Variants in PDE1C observed in about 807,000 individuals in gnomAD.
PDE1C encodes phosphodiesterase 1C.
Under a neutral mutation model 93.1 loss-of-function variants are expected in PDE1C, and 62 were observed. The ratio of observed to expected loss-of-function variants is 0.67; its 90% confidence interval spans 0.54 to 0.82. PDE1C has a LOEUF of 0.82. PDE1C is among the 40% of genes least tolerant of loss of function. The pLI is 0.00. For synonymous variants in PDE1C, 325 were observed against 310.1 expected, an observed-to-expected ratio of 1.05 and a Z score of -0.50; for missense variants, 742 against 884.6, an observed-to-expected ratio of 0.84 and a Z score of 2.04.
At chr7:31,761,098 T>TAAGAATTTAAC (rs1562751780) in intron 17 of PDE1C, among the ~76,000 whole-genome samples, 1 of 151,520 alleles carries the variant, frequency 6.6e-6, no homozygotes, top group Non-Finnish European at 1.5e-5. Context: ...TGGGCATGTA[T>TAAGAATTTAAC]TTTGGCTAAA....
intron 2 of PDE1C, among the ~76,000 whole-genome samples, chr7:31,964,008 C>G (rs1277657549): frequency 6.6e-6 from 1 of 152,204 alleles, no homozygotes; most frequent in African/African-American, 2.4e-5. Flanking sequence ...CAGCTGGGAG[C>G]TATCTACAGC....
chr7:31,721,570 T>A, the PDE1C span, among the ~76,000 whole-genome samples: 1 of 152,248 alleles, frequency 6.6e-6, no homozygotes, highest in Non-Finnish European at 1.5e-5. Context: ...GCAGTCAGTC[T>A]GAGTATATAG....
intron 2 of PDE1C, among the ~76,000 whole-genome samples, chr7:31,992,437 C>T (rs1321344090): frequency 6.6e-6 from 1 of 152,200 alleles, no homozygotes; most frequent in Non-Finnish European, 1.5e-5. Flanking sequence ...ACATATGAGA[C>T]ACTCCTGGGA....
At chr7:32,164,064 T>C (rs1802074870) in intron 3 of PDE1C, among the ~76,000 whole-genome samples, 1 of 152,208 alleles carries the variant, frequency 6.6e-6, no homozygotes, top group Admixed American at 6.5e-5. Flanking sequence ...TTCATACTTG[T>C]GGGATTCCAA....
intron 1 of PDE1C, among the ~76,000 whole-genome samples, chr7:32,416,135 G>A (rs1785272649): frequency 6.6e-6 from 1 of 152,204 alleles, no homozygotes; most frequent in African/African-American, 2.4e-5. Context: ...ATGAGCTCAT[G>A]GATTTACAAG....
At chr7:32,022,483 G>A (rs913334767) in intron 2 of PDE1C, among the ~76,000 whole-genome samples, 5 of 152,006 alleles carry the variant, frequency 3.3e-5, no homozygotes, top group African/African-American at 1.2e-4. Context: ...AGTGTCCCAA[G>A]GAGAAGTCAT....
At chr7:31,984,338 G>A (rs563024980) in intron 2 of PDE1C, among the ~76,000 whole-genome samples, 10 of 152,206 alleles carry the variant, frequency 6.6e-5, no homozygotes, top group African/African-American at 2.4e-4. Flanking sequence ...GATGATCTGA[G>A]GTAGGACAGT....
At chr7:31,697,515 A>G in the PDE1C span, among the ~76,000 whole-genome samples, 1 of 152,200 alleles carries the variant, frequency 6.6e-6, no homozygotes, top group African/African-American at 2.4e-5. Context: ...AGAGACAGAA[A>G]AAGAGATGCA....
chr7:31,659,037 A>G, the PDE1C span, among the ~76,000 whole-genome samples: 1 of 152,150 alleles, frequency 6.6e-6, no homozygotes, highest in African/African-American at 2.4e-5. Context: ...CCAGAGTCAC[A>G]AGGTATCTAC....
intron 2 of PDE1C, among the ~76,000 whole-genome samples, chr7:31,920,788 C>A (rs113773496): frequency 6.6e-6 from 1 of 152,144 alleles, no homozygotes; most frequent in Non-Finnish European, 1.5e-5. Flanking sequence ...AACAGCATGG[C>A]CTCTCCAGAA....
chr7:31,778,002 C>T (rs1336484407), intron 16 of PDE1C, among the ~76,000 whole-genome samples: 1 of 152,158 alleles, frequency 6.6e-6, no homozygotes, highest in African/African-American at 2.4e-5. Flanking sequence ...GACTTCCAAG[C>T]TCCTTGATTG....
chr7:31,805,970 G>T (rs1786771572), intron 16 of PDE1C, among the ~76,000 whole-genome samples: 1 of 151,842 alleles, frequency 6.6e-6, no homozygotes, highest in Non-Finnish European at 1.5e-5. Context: ...TGGGGTTTTG[G>T]GTTGTTTCAG....
intron 2 of PDE1C, among the ~76,000 whole-genome samples, chr7:32,003,134 C>T (rs1011028602): frequency 7.9e-5 from 12 of 152,200 alleles, no homozygotes; most frequent in Admixed American, 2.0e-4. Context: ...GCCCAGCCTA[C>T]GACAGAGCTA....
intron 1 of PDE1C, among the ~76,000 whole-genome samples, chr7:32,255,483 T>C (rs2108856): frequency 0.98 from 149,458 of 152,330 alleles, 73,393 homozygotes; most frequent in Middle Eastern, 1. Context: ...TAGTTTTACA[T>C]TGGGCACTGG....
At chr7:31,759,263 G>T (rs1231857633) in intron 17 of PDE1C, among the ~76,000 whole-genome samples, 1 of 152,178 alleles carries the variant, frequency 6.6e-6, no homozygotes, top group Non-Finnish European at 1.5e-5. Flanking sequence ...ATTTAATGTG[G>T]ACCATTCTTC....
At chr7:31,710,012 T>C in the PDE1C span, among the ~76,000 whole-genome samples, 1 of 151,950 alleles carries the variant, frequency 6.6e-6, no homozygotes, top group Non-Finnish European at 1.5e-5. Context: ...AAGCTGGACA[T>C]GGTGGTGTGC....
intron 3 of PDE1C, among the ~76,000 whole-genome samples, chr7:32,088,781 G>C (rs73098696): frequency 6.6e-6 from 1 of 152,026 alleles, no homozygotes; most frequent in African/African-American, 2.4e-5. Flanking sequence ...GAAGCAGTGC[G>C]GAGAAGAGGC....
chr7:32,000,725 T>A (rs1184952377), intron 2 of PDE1C, among the ~76,000 whole-genome samples: 15 of 152,136 alleles, frequency 9.9e-5, no homozygotes, highest in Non-Finnish European at 1.5e-5. Flanking sequence ...CATTACCACC[T>A]CCAGCCTCCA....
At chr7:32,220,516 T>A (rs918621449) in intron 1 of PDE1C, among the ~76,000 whole-genome samples, 2 of 152,164 alleles carry the variant, frequency 1.3e-5, no homozygotes, top group Non-Finnish European at 2.9e-5. Flanking sequence ...AGAAAGCACA[T>A]TAAGAACCCT....
Sources: allele counts gnomAD v4.1 joint callset (sites outside exome capture counted in the v4.1 genomes callset), GRCh38; gene constraint gnomAD v4.1.1; transcripts MANE v1.5; gene names NCBI Gene and HGNC (gene_info 2026-07-23, HGNC 2026-07-21).